Variants in EPHA6 observed in about 807,000 individuals in gnomAD.
EPHA6 encodes EPH receptor A6.
A neutral mutation model predicts 112.0 loss-of-function variants in EPHA6; 50 were observed. That is an observed-to-expected ratio of 0.45 (90% CI 0.36 to 0.56). The LOEUF is 0.56. Among genes scored for constraint, EPHA6 ranks in the 20% least tolerant of loss-of-function variants. The pLI, the probability that EPHA6 is intolerant of heterozygous loss-of-function variation, is 0.00. For missense variants in EPHA6, 1,280 were observed against 1,417.4 expected (o/e 0.90, Z 1.56); for synonymous variants, 529 against 490.7 (o/e 1.08, Z -1.03).
At chr3:96,866,969 G>A (rs1394292695) in intron 2 of EPHA6, 80 bp downstream of exon 2, 10 of 770,442 alleles carry the variant, frequency 1.3e-5, no homozygotes, top group Non-Finnish European at 1.6e-5. Context: ...AGTGAATTTT[G>A]GGCCCTACTT....
At chr3:97,013,386 T>C (rs543708455) in intron 3 of EPHA6, among the ~76,000 whole-genome samples, 10 of 152,264 alleles carry the variant, frequency 6.6e-5, no homozygotes, top group African/African-American at 2.4e-4. Context: ...AGACTAAATT[T>C]CCAGTAGGTT....
chr3:97,258,319 A>T (rs1288396583), intron 5 of EPHA6, among the ~76,000 whole-genome samples: 1 of 151,974 alleles, frequency 6.6e-6, no homozygotes, highest in Non-Finnish European at 1.5e-5. Flanking sequence ...AGTATCTGTT[A>T]TACTCACAGT....
intron 13 of EPHA6, among the ~76,000 whole-genome samples, chr3:97,621,889 A>T (rs1221065316): frequency 2.0e-5 from 3 of 151,894 alleles, no homozygotes; most frequent in African/African-American, 7.2e-5. Context: ...CAGATTGCAG[A>T]GAGCAAAAAT....
chr3:97,423,012 T>C (rs1019129673), intron 6 of EPHA6, among the ~76,000 whole-genome samples: 5 of 152,142 alleles, frequency 3.3e-5, no homozygotes, highest in African/African-American at 1.2e-4. Flanking sequence ...CTGAAAATAA[T>C]AAGTGTCATC....
chr3:97,039,995 T>C (rs2045256886), intron 3 of EPHA6, among the ~76,000 whole-genome samples: 1 of 151,944 alleles, frequency 6.6e-6, no homozygotes, highest in Non-Finnish European at 1.5e-5. Flanking sequence ...TCCTGTTGTT[T>C]GAGACATACT....
chr3:97,159,185 C>T (rs2076357038), intron 3 of EPHA6, among the ~76,000 whole-genome samples: 1 of 152,140 alleles, frequency 6.6e-6, no homozygotes, highest in African/African-American at 2.4e-5. Context: ...AAAGAATCTC[C>T]TGTATTCTAG....
At chr3:97,022,016 A>G (rs1236554948) in intron 3 of EPHA6, among the ~76,000 whole-genome samples, 1 of 152,166 alleles carries the variant, frequency 6.6e-6, no homozygotes, top group African/African-American at 2.4e-5. Context: ...CACTAAAATT[A>G]CTATATACAA....
At chr3:97,308,455 C>T (rs1038621809) in intron 5 of EPHA6, among the ~76,000 whole-genome samples, 1 of 151,712 alleles carries the variant, frequency 6.6e-6, no homozygotes, top group African/African-American at 2.4e-5. Context: ...CAAATTAGTA[C>T]TACTGAGTAA....
chr3:97,575,455 C>A (rs1482867386), intron 11 of EPHA6, among the ~76,000 whole-genome samples: 1 of 152,024 alleles, frequency 6.6e-6, no homozygotes, highest in East Asian at 1.9e-4. Context: ...ATCTCATTTA[C>A]CTTAAAAATT....
chr3:96,989,892 C>T (rs941936370), intron 3 of EPHA6, among the ~76,000 whole-genome samples: 3 of 152,128 alleles, frequency 2.0e-5, no homozygotes, highest in African/African-American at 7.2e-5. Flanking sequence ...CATAGACACA[C>T]CATATCAGTG....
intron 2 of EPHA6, among the ~76,000 whole-genome samples, chr3:96,938,268 T>A (rs1264778337): frequency 6.6e-6 from 1 of 152,206 alleles, no homozygotes; most frequent in African/African-American, 2.4e-5. Context: ...TTTCTTTGTA[T>A]CCTCTTTTAT....
chr3:97,237,856 T>C (rs1268208810), intron 4 of EPHA6, among the ~76,000 whole-genome samples: 3 of 151,946 alleles, frequency 2.0e-5, no homozygotes, highest in South Asian at 2.1e-4. Flanking sequence ...TTAGGGAAAC[T>C]GGATAATGTT....
intron 2 of EPHA6, among the ~76,000 whole-genome samples, chr3:96,890,701 G>A (rs529428684): frequency 1.3e-5 from 2 of 152,128 alleles, no homozygotes; most frequent in Non-Finnish European, 2.9e-5. Context: ...GAGGATATGG[G>A]GCAAGTAGAG....
chr3:97,390,118 C>G (rs1052323264), intron 5 of EPHA6, among the ~76,000 whole-genome samples: 1 of 152,060 alleles, frequency 6.6e-6, no homozygotes, highest in African/African-American at 2.4e-5. Context: ...ATGAATGTTT[C>G]AAGGCAGCTG....
chr3:97,065,873 CTTGA>C (rs1157609539), intron 3 of EPHA6, among the ~76,000 whole-genome samples: 1 of 151,872 alleles, frequency 6.6e-6, no homozygotes, highest in African/African-American at 2.4e-5. Flanking sequence ...GTAAAAGCAA[CTTGA>C]TTTTTTTAAA....
rs554114924 is a variant in EPHA6, at chr3:97,755,494, G to A, written c.*6793G>A. ...ACTGAGATACAAGTATAGATAGGGT[G>A]CTCTACAAAATAATAAAAGGAGGAC... On this transcript the variant is annotated 3_prime_UTR_variant, in exon 18 of 18. Coordinates refer to ENST00000389672, the MANE Select transcript of EPHA6 (RefSeq NM_001080448.3). Among the ~76,000 whole-genome samples the A allele has an allele frequency of 6.6e-6, 1 of 152,094 alleles. No individual in the cohort carries two copies. Among genetic ancestry groups the A allele is most frequent in the Non-Finnish European group, 1.5e-5 (1 of 67,990 alleles).
At chr3:96,865,536 G>A (rs983014482) in intron 1 of EPHA6, among the ~76,000 whole-genome samples, 3 of 151,714 alleles carry the variant, frequency 2.0e-5, no homozygotes, top group African/African-American at 7.3e-5. Flanking sequence ...GAAAAAATTA[G>A]CTGGGCACAG....
chr3:96,963,589 G>C (rs553838710), intron 2 of EPHA6, among the ~76,000 whole-genome samples: 132 of 152,200 alleles, frequency 8.7e-4, no homozygotes, highest in South Asian at 8.5e-3. Context: ...ATATATGGCT[G>C]GGTATTTCCA....
At chr3:97,107,831 G>A (rs1191769537) in intron 3 of EPHA6, among the ~76,000 whole-genome samples, 1 of 151,878 alleles carries the variant, frequency 6.6e-6, no homozygotes, top group Non-Finnish European at 1.5e-5. Context: ...ATTCCTCATT[G>A]TTTTTCTGCA....
Sources: gnomAD v4.1 joint callset for allele counts (sites outside exome capture counted in the v4.1 genomes callset) on GRCh38, gnomAD v4.1.1 for gene constraint, MANE v1.5 for transcripts, NCBI Gene and HGNC (gene_info 2026-07-23, HGNC 2026-07-21) for gene names.